Variants in SDK1 observed in about 807,000 individuals in gnomAD.
SDK1 encodes the protein protein sidekick-1.
A neutral mutation model predicts 245.5 loss-of-function variants in SDK1; 157 were observed. The observed-to-expected ratio is 0.64, with a 90% confidence interval of 0.56 to 0.73. The LOEUF (loss-of-function observed/expected upper bound fraction) is 0.73, where lower values mean the gene tolerates loss of function less well. SDK1 is among the 30% of genes least tolerant of loss of function. The probability of loss-of-function intolerance (pLI) is 0.00; values close to 1 mark genes in which losing one functional copy is unlikely to be tolerated. For missense variants in SDK1, 3,583 were observed against 3,002.3 expected, an observed-to-expected ratio of 1.19 and a Z score of -4.52; for synonymous variants, 1,647 against 1,278.5, an observed-to-expected ratio of 1.29 and a Z score of -6.15.
At position 3,301,305 on chromosome 7, in the gene SDK1, C is replaced by T. The variant is rs1426640615; in HGVS notation, c.-282C>T. 1 of 146,806 alleles carries T rather than the reference C, an allele frequency of 6.8e-6. No homozygotes were observed. The highest frequency in any genetic ancestry group is 1.5e-5 in the Non-Finnish European group (1 of 65,946). 9.1% of individuals were successfully genotyped at this position (146,806 alleles called of 1,614,324 possible). Reference sequence around the variant, plus strand: ...CGGCGGCGGCGGCGGCTCCTCCGCGCCCGGCGGACCCCTCGGAGCTAGCGC... The same window carrying T: ...CGGCGGCGGCGGCGGCTCCTCCGCGTCCGGCGGACCCCTCGGAGCTAGCGC... On this transcript the variant is annotated 5_prime_UTR_variant, in exon 1 of 45. Coordinates refer to ENST00000404826, the MANE Select transcript of SDK1 (RefSeq NM_152744.4).
intron 1 of SDK1, among the ~76,000 whole-genome samples, chr7:3,454,751 G>C (rs1386440308): frequency 4.6e-5 from 7 of 152,146 alleles, no homozygotes; most frequent in Admixed American, 4.6e-4. Context: ...TAGCCCTTTG[G>C]AGGACATCTA....
chr7:4,054,021 C>T (rs1370612442), intron 19 of SDK1, among the ~76,000 whole-genome samples: 6 of 152,052 alleles, frequency 3.9e-5, no homozygotes, highest in Non-Finnish European at 5.9e-5. Flanking sequence ...TCACTGCAAC[C>T]TCTGCCTCCA....
intron 44 of SDK1, among the ~76,000 whole-genome samples, chr7:4,258,651 C>T (rs924365446): frequency 4.6e-5 from 7 of 152,208 alleles, no homozygotes; most frequent in African/African-American, 1.7e-4. Flanking sequence ...AGGTCACTTG[C>T]ATTTGTGGAT....
chr7:4,010,619 A>C (rs1785869518), intron 14 of SDK1, among the ~76,000 whole-genome samples: 1 of 152,248 alleles, frequency 6.6e-6, no homozygotes, highest in African/African-American at 2.4e-5. Context: ...ACAAATCTGC[A>C]ATCTGCCTAA....
At chr7:3,405,159 CAA>C (rs751705504) in intron 1 of SDK1, among the ~76,000 whole-genome samples, 2 of 123,998 alleles carry the variant, frequency 1.6e-5, no homozygotes, top group Admixed American at 7.5e-5. Context: ...AAAAAAAAAC[CAA>C]AAAAAAAAAC....
At chr7:3,784,482 AAT>A (rs1264837001) in intron 4 of SDK1, among the ~76,000 whole-genome samples, 8 of 152,126 alleles carry the variant, frequency 5.3e-5, no homozygotes, top group African/African-American at 1.9e-4. Flanking sequence ...TAATATCCAA[AAT>A]ATATAAGAAG....
intron 5 of SDK1, among the ~76,000 whole-genome samples, chr7:3,864,986 T>G (rs1780785593): frequency 2.0e-5 from 3 of 152,224 alleles, no homozygotes; most frequent in Admixed American, 6.5e-5. Context: ...ACCACTGGTC[T>G]CTCAGGGGTG....
At chr7:3,983,839 C>T (rs944609467) in intron 13 of SDK1, among the ~76,000 whole-genome samples, 5 of 152,118 alleles carry the variant, frequency 3.3e-5, no homozygotes, top group African/African-American at 9.7e-5. Context: ...TTGCCCTGGG[C>T]CATCACACTG....
chr7:3,633,905 C>T (rs577524779), intron 2 of SDK1, among the ~76,000 whole-genome samples: 3 of 152,212 alleles, frequency 2.0e-5, no homozygotes, highest in South Asian at 4.1e-4. Context: ...CCACCAAATA[C>T]TGGCCATCAC....
At chr7:3,463,726 C>T (rs990295203) in intron 1 of SDK1, among the ~76,000 whole-genome samples, 1 of 152,232 alleles carries the variant, frequency 6.6e-6, no homozygotes, top group Non-Finnish European at 1.5e-5. Context: ...ATTTCCCCCT[C>T]TCTGCTGGTC....
chr7:3,644,062 C>A (rs1475253730), intron 4 of SDK1, among the ~76,000 whole-genome samples: 1 of 150,774 alleles, frequency 6.6e-6, no homozygotes, highest in Non-Finnish European at 1.5e-5. Context: ...GTCACCATCC[C>A]CGGCTAATTT....
chr7:4,174,486 G>A (rs372691894), intron 33 of SDK1, 129 bp downstream of exon 33: 11 of 1,087,538 alleles, frequency 1.0e-5, no homozygotes, highest in East Asian at 2.4e-5. Context: ...CTGCCCTCAG[G>A]AACAGGGAGC....
intron 44 of SDK1, among the ~76,000 whole-genome samples, chr7:4,248,675 TG>T (rs904435134): frequency 1.3e-5 from 2 of 151,742 alleles, no homozygotes; most frequent in African/African-American, 4.8e-5. Flanking sequence ...ACTACACACC[TG>T]AATACATGCA....
chr7:3,596,074 A>G (rs1441217834), intron 1 of SDK1, among the ~76,000 whole-genome samples: 1 of 151,932 alleles, frequency 6.6e-6, no homozygotes, highest in Non-Finnish European at 1.5e-5. Flanking sequence ...ATTGTTAGGT[A>G]GCACAGATTA....
At chr7:4,189,128 C>T (rs756489685) in intron 35 of SDK1, among the ~76,000 whole-genome samples, 33 of 152,280 alleles carry the variant, frequency 2.2e-4, no homozygotes, top group Non-Finnish European at 4.0e-4. Context: ...AAATCCTCGC[C>T]GTCTTCCTCC....
intron 4 of SDK1, among the ~76,000 whole-genome samples, chr7:3,781,902 A>T (rs1780756179): frequency 6.6e-6 from 1 of 152,184 alleles, no homozygotes; most frequent in Admixed American, 6.5e-5. Flanking sequence ...AGAATGAAGA[A>T]AGCCTATGAG....
intron 1 of SDK1, among the ~76,000 whole-genome samples, chr7:3,612,609 A>G (rs1429653342): frequency 2.0e-5 from 3 of 152,184 alleles, no homozygotes; most frequent in Non-Finnish European, 4.4e-5. Context: ...GAAAAATAAA[A>G]CTTTTCGCTC....
intron 4 of SDK1, among the ~76,000 whole-genome samples, chr7:3,731,539 G>A (rs996732282): frequency 5.3e-5 from 8 of 152,114 alleles, no homozygotes; most frequent in Non-Finnish European, 1.0e-4. Context: ...GTAGCAACAC[G>A]TTATGTCTTA....
intron 19 of SDK1, among the ~76,000 whole-genome samples, chr7:4,056,547 C>T (rs6972327): frequency 1.3e-5 from 2 of 151,964 alleles, no homozygotes; most frequent in African/African-American, 4.8e-5. Context: ...GGAACCCAGA[C>T]AGGTTCCCCA....
Sources: allele counts gnomAD v4.1 joint callset (sites outside exome capture counted in the v4.1 genomes callset), GRCh38; gene constraint gnomAD v4.1.1; transcripts MANE v1.5; gene names NCBI Gene and HGNC (gene_info 2026-07-23, HGNC 2026-07-21).